PDZD2: variants seen among roughly 807,000 people sequenced by gnomAD.
PDZD2 encodes the protein PDZ domain containing 2.
PDZD2 carries 90 observed loss-of-function variants against 220.7 expected under a neutral mutation model. That is an observed-to-expected ratio of 0.41 (90% CI 0.34 to 0.49). PDZD2 has a LOEUF of 0.49. PDZD2 is among the 20% of genes least tolerant of loss of function. The pLI, the probability that PDZD2 is intolerant of heterozygous loss-of-function variation, is 0.28. For missense variants in PDZD2, 3,174 were observed against 3,608.5 expected, an observed-to-expected ratio of 0.88 and a Z score of 3.08; for synonymous variants, 1,375 against 1,450.5, an observed-to-expected ratio of 0.95 and a Z score of 1.18.
chr5:31,978,347 G>A (rs770873518), intron 2 of PDZD2, among the ~76,000 whole-genome samples: 1 of 152,152 alleles, frequency 6.6e-6, no homozygotes, highest in Non-Finnish European at 1.5e-5. Flanking sequence ...TAGTCAGAAG[G>A]GGTTGGAAAA....
At chr5:31,934,815 G>T (rs1333227952) in intron 2 of PDZD2, among the ~76,000 whole-genome samples, 2 of 152,024 alleles carry the variant, frequency 1.3e-5, no homozygotes, top group Non-Finnish European at 2.9e-5. Context: ...GGCCAGCAGT[G>T]GTGGCTCACA....
At chr5:31,662,880 GT>G (rs1745832313) in intron 1 of PDZD2, among the ~76,000 whole-genome samples, 3 of 152,272 alleles carry the variant, frequency 2.0e-5, no homozygotes, top group Admixed American at 2.0e-4. Context: ...TCCACCCGCT[GT>G]GGCCTCCCAA....
At chr5:31,682,230 C>T (rs1056502412) in intron 1 of PDZD2, among the ~76,000 whole-genome samples, 2 of 152,074 alleles carry the variant, frequency 1.3e-5, no homozygotes, top group African/African-American at 4.8e-5. Flanking sequence ...CGCAGAGGGG[C>T]TTAGGCAGGG....
In PDZD2 at chr5:32,090,104, C is replaced by T. The variant is rs547051971; in HGVS notation, c.6656C>T (p.Ala2219Val). ...CATCTCTACTTCACCCCAAGGCCAGCGACCAGGACCTACTCCATGCCAGCC... is the reference window on the plus strand; with the variant it reads ...CATCTCTACTTCACCCCAAGGCCAGTGACCAGGACCTACTCCATGCCAGCC... Reference protein sequence around the residue: ...EDHLYFTPRPATRTYSMPAQF... With the variant: ...EDHLYFTPRPVTRTYSMPAQF... Residue 2219 changes from alanine to valine, a missense_variant, in exon 20 of 25, where the codon GCG (alanine) becomes GTG (valine). Ala to Val is a moderately conservative substitution (Grantham distance 64). This residue lies in a region of PDZD2 where 631 missense variants were observed against 789.9 expected (regional missense o/e 0.80). Transcript: ENST00000438447. This position sits in a 1 kb window ranked among gnomAD's most constrained non-coding sequence, Gnocchi z 4.3. 89 of 1,613,790 alleles carry T rather than the reference C, an allele frequency of 5.5e-5. No homozygotes were observed. The East Asian group carries it at 1.3e-3, about 23-fold the overall frequency.
At chr5:32,026,682 C>G (rs557112284) in intron 6 of PDZD2, among the ~76,000 whole-genome samples, 22 of 152,326 alleles carry the variant, frequency 1.4e-4, no homozygotes, top group African/African-American at 4.8e-4. Context: ...ACCCAAGGGT[C>G]TACCTTGAGT....
chr5:31,938,893 G>A (rs1051811672), intron 2 of PDZD2, among the ~76,000 whole-genome samples: 9 of 152,110 alleles, frequency 5.9e-5, no homozygotes, highest in African/African-American at 2.2e-4. Flanking sequence ...AACTTGTGTC[G>A]AAACTTCAGG....
In PDZD2 at chr5:32,082,079, T is replaced by C. The variant is rs187829383; in HGVS notation, c.3682+4473T>C. 3.1e-3 allele frequency among the ~76,000 whole-genome samples: 452 copies of C among 146,598 alleles called. 4 individuals carry two copies. The highest frequency in any genetic ancestry group is 0.011 in the African/African-American group (424 of 39,674). Reference sequence around the variant, plus strand: ...CTCTGTCACCCAGGCTGGAGTGCAATGGCGCGATCTTGGCTCACTGCAACC... The same window carrying C: ...CTCTGTCACCCAGGCTGGAGTGCAACGGCGCGATCTTGGCTCACTGCAACC... On this transcript the variant is annotated intron_variant, in intron 19 of 24. Coordinates refer to ENST00000438447, the MANE Select transcript of PDZD2 (RefSeq NM_178140.4).
At chr5:31,797,110 T>C (rs1185945282) in intron 1 of PDZD2, among the ~76,000 whole-genome samples, 15 of 142,936 alleles carry the variant, frequency 1.0e-4, no homozygotes, top group Non-Finnish European at 1.5e-4. Context: ...TTTTTTTTTT[T>C]TTTTTTTTTT....
chr5:31,899,808 T>G (rs977150147), intron 2 of PDZD2, among the ~76,000 whole-genome samples: 3 of 152,146 alleles, frequency 2.0e-5, no homozygotes, highest in Admixed American at 2.0e-4. Flanking sequence ...CCAAGAGAGC[T>G]CATTTGCCCC....
chr5:31,710,384 C>T (rs900817337), intron 1 of PDZD2, among the ~76,000 whole-genome samples: 2 of 152,062 alleles, frequency 1.3e-5, no homozygotes, highest in African/African-American at 2.4e-5. Context: ...AATAAATCAG[C>T]GTCATTATTA....
At chr5:31,709,793 T>C (rs1748003526) in intron 1 of PDZD2, among the ~76,000 whole-genome samples, 1 of 151,934 alleles carries the variant, frequency 6.6e-6, no homozygotes, top group Non-Finnish European at 1.5e-5. Flanking sequence ...CTGTCTCTAC[T>C]AAAAATACAC....
rs544587085 is a variant in PDZD2, at chr5:32,061,250, G to T, written c.2451+116G>T. The T allele has an allele frequency of 4.4e-5, 37 of 833,622 alleles. No homozygotes were observed. The African/African-American group carries it at 5.8e-4, about 13-fold the overall frequency. The allele number at this position is 833,622 out of a possible 1,614,324, so 51.6% of individuals were successfully genotyped here. A position where few individuals can be genotyped will look rare whatever the true frequency, so the allele number is the denominator to read the frequency against. On this transcript the variant is annotated intron_variant, in intron 14 of 24. Transcript: ENST00000438447. Reference sequence around the variant, plus strand: ...GGGATAGGCAGGCAACCTACGGGTGGTTCATGTGGGAAATGAATCTCTAAT... The same window carrying T: ...GGGATAGGCAGGCAACCTACGGGTGTTTCATGTGGGAAATGAATCTCTAAT...
intron 7 of PDZD2, among the ~76,000 whole-genome samples, chr5:32,041,047 G>A (rs184860638): frequency 0.011 from 1,583 of 148,090 alleles, 6 homozygotes; most frequent in Middle Eastern, 0.022. Context: ...CTGCCCAGCA[G>A]CCGCCCCGTC....
At chr5:31,877,819 A>G (rs1197479008) in intron 2 of PDZD2, among the ~76,000 whole-genome samples, 1 of 152,054 alleles carries the variant, frequency 6.6e-6, no homozygotes, top group Non-Finnish European at 1.5e-5. Flanking sequence ...CCTCCCGAGC[A>G]GCTGGGATTA....
intron 1 of PDZD2, among the ~76,000 whole-genome samples, chr5:31,696,174 A>T (rs1747369031): frequency 6.6e-6 from 1 of 152,272 alleles, no homozygotes; most frequent in Non-Finnish European, 1.5e-5. Context: ...TGTGGATGGG[A>T]TGTAACATCT....
intron 14 of PDZD2, 87 bp downstream of exon 14, chr5:32,061,221 G>A: frequency 7.2e-7 from 1 of 1,381,706 alleles, no homozygotes; most frequent in Non-Finnish European, 1.0e-6. Flanking sequence ...GGTTTTCCCA[G>A]CTGGGGATAG....
intron 6 of PDZD2, among the ~76,000 whole-genome samples, chr5:32,031,603 C>A (rs967977400): frequency 6.6e-6 from 1 of 152,156 alleles, no homozygotes; most frequent in Non-Finnish European, 1.5e-5. Flanking sequence ...CTGCCACTTT[C>A]CATAGGTATG....
chr5:31,707,211 G>GTTAGA (rs1747869569), intron 1 of PDZD2, among the ~76,000 whole-genome samples: 1 of 151,252 alleles, frequency 6.6e-6, no homozygotes. Flanking sequence ...TAAATGACGA[G>GTTAGA]TTAATGGGTG....
chr5:32,013,707 C>T (rs1315110940), intron 6 of PDZD2, among the ~76,000 whole-genome samples: 3 of 152,164 alleles, frequency 2.0e-5, no homozygotes, highest in South Asian at 2.1e-4. Context: ...CCATTATCTT[C>T]GGTGGAGAAA....
Sources: gnomAD v4.1 joint callset for allele counts (sites outside exome capture counted in the v4.1 genomes callset) on GRCh38, gnomAD v4.1.1 for gene constraint, gnomAD v4.1.1 regional missense constraint, Gnocchi (gnomAD v3.1) non-coding constraint, MANE v1.5 for transcripts, NCBI Gene and HGNC (gene_info 2026-07-23, HGNC 2026-07-21) for gene names.